CNOT2: variants seen among roughly 807,000 people sequenced by gnomAD.
CNOT2 encodes CCR4-NOT transcription complex subunit 2.
A neutral mutation model predicts 72.1 loss-of-function variants in CNOT2; 7 were observed. That is an observed-to-expected ratio of 0.10 (90% confidence interval 0.06 to 0.18). The LOEUF is 0.18. CNOT2 is among the 10% of genes least tolerant of loss of function. The probability of loss-of-function intolerance (pLI) is 1.00; values close to 1 mark genes in which losing one functional copy is unlikely to be tolerated. For synonymous variants in CNOT2, 196 were observed against 225.6 expected (o/e 0.87, Z 1.17); for missense variants, 345 against 660.3 (o/e 0.52, Z 5.23).
At chr12:70,332,008 AAAGG>A (rs1250125730) in intron 6 of CNOT2, among the ~76,000 whole-genome samples, 2 of 151,662 alleles carry the variant, frequency 1.3e-5, no homozygotes, top group Non-Finnish European at 3.0e-5. Flanking sequence ...CTTGTACAAA[AAAGG>A]GAGGGAGGCA....
intron 14 of CNOT2, 64 bp from the exon 15 acceptor site, chr12:70,346,116 T>C (rs1393994144): frequency 2.7e-6 from 3 of 1,094,862 alleles, no homozygotes; most frequent in Non-Finnish European, 2.7e-6. Context: ...CTTTACAAAA[T>C]GTAGAACATG....
chr12:70,321,944 G>A (rs1280067066), intron 4 of CNOT2: 1 of 151,696 alleles, frequency 6.6e-6, no homozygotes, highest in East Asian at 1.9e-4. Flanking sequence ...TAGTATGATT[G>A]TATCCAAATA....
intron 1 of CNOT2, among the ~76,000 whole-genome samples, chr12:70,275,293 G>A (rs941736019): frequency 6.6e-6 from 1 of 151,772 alleles, no homozygotes; most frequent in African/African-American, 2.4e-5. Flanking sequence ...CTTGTTTATT[G>A]CTGTTTTGCA....
intron 1 of CNOT2, among the ~76,000 whole-genome samples, chr12:70,251,973 G>A (rs1349399934): frequency 6.6e-6 from 1 of 152,092 alleles, no homozygotes; most frequent in Non-Finnish European, 1.5e-5. Context: ...TCCCTACATA[G>A]GTGCTGATAT....
At chr12:70,297,297 T>C (rs977397313) in intron 2 of CNOT2, among the ~76,000 whole-genome samples, 2 of 152,200 alleles carry the variant, frequency 1.3e-5, no homozygotes, top group Non-Finnish European at 2.9e-5. Flanking sequence ...GTACTGTATA[T>C]CTTGCAGTTA....
intron 2 of CNOT2, among the ~76,000 whole-genome samples, chr12:70,296,733 G>T (rs1872859762): frequency 6.7e-6 from 1 of 149,304 alleles, no homozygotes; most frequent in South Asian, 2.1e-4. Flanking sequence ...GTGCAGTGTA[G>T]GTGCCTTTCT....
At chr12:70,335,823 T>A in intron 8 of CNOT2, 1 of 266,318 alleles carries the variant, frequency 3.8e-6, no homozygotes, top group South Asian at 9.0e-5. Context: ...GAAGTTATTT[T>A]CTTCTGTTAT....
intron 8 of CNOT2, 52 bp from the exon 9 acceptor site, chr12:70,337,337 C>T (rs1248577364): frequency 1.3e-6 from 2 of 1,507,794 alleles, no homozygotes; most frequent in Non-Finnish European, 1.8e-6. Context: ...TAATCTGTAG[C>T]AAAATATCAT....
At chr12:70,278,032 T>G (rs111748663) in intron 1 of CNOT2, 100 bp from the exon 2 acceptor site, 1 of 484,906 alleles carries the variant, frequency 2.1e-6, no homozygotes, top group Non-Finnish European at 3.7e-6. Flanking sequence ...ACAATTACTT[T>G]TTGTTTTTTG....
chr12:70,281,949 A>G (rs779668121), intron 2 of CNOT2, among the ~76,000 whole-genome samples: 21 of 132,180 alleles, frequency 1.6e-4, no homozygotes, highest in Non-Finnish European at 3.8e-4. Context: ...TGTATTGAAC[A>G]GTGTAGATAC....
chr12:70,284,708 T>C (rs1870566474), intron 2 of CNOT2, among the ~76,000 whole-genome samples: 1 of 152,106 alleles, frequency 6.6e-6, no homozygotes, highest in Non-Finnish European at 1.5e-5. Context: ...TGATGCTAAG[T>C]GTTAACCTTT....
At chr12:70,284,425 C>T (rs550152219) in intron 2 of CNOT2, among the ~76,000 whole-genome samples, 11 of 151,424 alleles carry the variant, frequency 7.3e-5, no homozygotes, top group East Asian at 1.9e-4. Flanking sequence ...TTGTATTTTT[C>T]GGTAGATACA....
intron 6 of CNOT2, 51 bp downstream of exon 6, chr12:70,330,520 A>G (rs757921941): frequency 7.5e-7 from 1 of 1,336,788 alleles, no homozygotes; most frequent in Non-Finnish European, 1.0e-6. Flanking sequence ...GTATACTCAG[A>G]TTTGCCTTTT....
chr12:70,314,544 C>T (rs796782953), intron 3 of CNOT2, among the ~76,000 whole-genome samples: 4 of 152,108 alleles, frequency 2.6e-5, no homozygotes, highest in South Asian at 2.1e-4. Context: ...TATGTCTTTC[C>T]GTAAATTTGT....
At chr12:70,341,221 A>T (rs955447429) in intron 11 of CNOT2, among the ~76,000 whole-genome samples, 11 of 152,102 alleles carry the variant, frequency 7.2e-5, no homozygotes, top group Admixed American at 2.0e-4. Flanking sequence ...GCAAGGTCTT[A>T]CATGATTATT....
In CNOT2 at chr12:70,354,081, C is replaced by G. The variant is rs1002794153; in HGVS notation, c.*166C>G. 1.0e-5 allele frequency: 13 copies of G among 1,252,630 alleles called. No individual in the cohort carries two copies. The highest frequency in any genetic ancestry group is 1.4e-5 in the Non-Finnish European group (13 of 956,826). The allele number at this position is 1,252,630 out of a possible 1,614,324, so 77.6% of individuals were successfully genotyped here. On this transcript the variant is annotated 3_prime_UTR_variant, in exon 16 of 16. Coordinates refer to ENST00000229195, the MANE Select transcript of CNOT2 (RefSeq NM_014515.7). ...AAAAGGTCACCATTTGAGGTCCTGCCTTACTAATTATGTGCTGCCCAACAA... is the reference window on the plus strand; with the variant it reads ...AAAAGGTCACCATTTGAGGTCCTGCGTTACTAATTATGTGCTGCCCAACAA...
At chr12:70,333,278 T>A (rs1252300434) in intron 7 of CNOT2, among the ~76,000 whole-genome samples, 1 of 151,900 alleles carries the variant, frequency 6.6e-6, no homozygotes, top group Non-Finnish European at 1.5e-5. Flanking sequence ...ACACTTACGT[T>A]TTTTCTTAAT....
At chr12:70,340,849 G>A (rs1190847043) in intron 11 of CNOT2, among the ~76,000 whole-genome samples, 1 of 144,304 alleles carries the variant, frequency 6.9e-6, no homozygotes, top group African/African-American at 2.6e-5. Flanking sequence ...TCAACACCCA[G>A]TAAATGTTTG....
At chr12:70,267,419 T>G (rs1224530661) in intron 1 of CNOT2, among the ~76,000 whole-genome samples, 1 of 152,220 alleles carries the variant, frequency 6.6e-6, no homozygotes, top group African/African-American at 2.4e-5. Context: ...ACTTAATCGC[T>G]CCTTTCTTTT....
Sources: gnomAD v4.1 joint callset for allele counts (sites outside exome capture counted in the v4.1 genomes callset) on GRCh38, gnomAD v4.1.1 for gene constraint, MANE v1.5 for transcripts, NCBI Gene and HGNC (gene_info 2026-07-23, HGNC 2026-07-21) for gene names.